Variants in STK10 observed in about 807,000 individuals in gnomAD.
STK10 encodes the protein serine/threonine kinase 10.
STK10 carries 78 observed loss-of-function variants against 113.8 expected under a neutral mutation model. That is an observed-to-expected ratio of 0.69 (90% CI 0.57 to 0.83). The LOEUF (loss-of-function observed/expected upper bound fraction) is 0.83, where lower values mean the gene tolerates loss of function less well. Ranked by LOEUF, STK10 falls within the 40% of genes least tolerant of loss-of-function variation. The probability of loss-of-function intolerance (pLI) is 0.00; values close to 1 mark genes in which losing one functional copy is unlikely to be tolerated. For missense variants in STK10, 1,109 were observed against 1,280.1 expected (o/e 0.87, Z 2.04); for synonymous variants, 465 against 494.7 (o/e 0.94, Z 0.80).
intron 4 of STK10, among the ~76,000 whole-genome samples, chr5:172,108,906 T>C (rs1362212062): frequency 6.6e-6 from 1 of 151,904 alleles, no homozygotes; most frequent in Non-Finnish European, 1.5e-5. Context: ...TGCCTCAGCC[T>C]CCCAAGTAGA....
At chr5:172,091,688 G>A (rs1202935444) in intron 9 of STK10, among the ~76,000 whole-genome samples, 1 of 152,048 alleles carries the variant, frequency 6.6e-6, no homozygotes, top group South Asian at 2.1e-4. Flanking sequence ...GCGCCACCAC[G>A]CCCGGCTAAT....
chr5:172,104,250 C>T (rs553823521), intron 7 of STK10, among the ~76,000 whole-genome samples: 14 of 152,244 alleles, frequency 9.2e-5, no homozygotes, highest in Non-Finnish European at 1.9e-4. Flanking sequence ...GCCCATTCCT[C>T]CCCCTCTTCC....
rs1388122686 is a variant in STK10, at chr5:172,093,550, T to C, written c.1416A>G (p.Pro472=). The change falls in exon 9 of 19, where the codon CCA becomes CCG. Residue 472 remains proline (P), a synonymous_variant. Transcript: ENST00000176763. The surrounding 1 kb of genome is among the most constrained non-coding windows in gnomAD (Gnocchi z 4.1). The part of the protein sequence containing the change: ...GEKLANGSLE[P]PAQAAPGPSK... ...AAGGCCCTGGAGCTGCCTGGGCAGG[T>C]GGCTCCAGGCTGCCATTGGCCAGCT... 3.1e-6 allele frequency: 5 copies of C among 1,614,034 alleles called. No homozygotes were observed. In the African/African-American group the frequency reaches 4.0e-5, roughly 13 times the overall value.
intron 1 of STK10, among the ~76,000 whole-genome samples, chr5:172,165,088 C>G (rs535123319): frequency 6.6e-6 from 1 of 152,306 alleles, no homozygotes; most frequent in South Asian, 2.1e-4. Flanking sequence ...AGGGGCCCAG[C>G]CAGCCCAGTC....
At chr5:172,060,302 G>A (rs1395917035) in intron 14 of STK10, among the ~76,000 whole-genome samples, 1 of 152,212 alleles carries the variant, frequency 6.6e-6, no homozygotes, top group Admixed American at 6.5e-5. Flanking sequence ...AGCTACTTGG[G>A]AGGCTGAAGT....
chr5:172,174,423 C>T (rs937375714), intron 1 of STK10, among the ~76,000 whole-genome samples: 20 of 152,092 alleles, frequency 1.3e-4, no homozygotes, highest in Non-Finnish European at 2.2e-4. Context: ...CCACCCGCCT[C>T]GGCCTCCCAA....
chr5:172,085,504 C>A (rs187546945), intron 10 of STK10, among the ~76,000 whole-genome samples: 1 of 151,974 alleles, frequency 6.6e-6, no homozygotes, highest in Admixed American at 6.6e-5. Flanking sequence ...GCCTGGCCAA[C>A]ATGGTGAAAC....
chr5:172,050,569 C>T (rs1266483179), intron 18 of STK10, among the ~76,000 whole-genome samples: 1 of 152,120 alleles, frequency 6.6e-6, no homozygotes, highest in Non-Finnish European at 1.5e-5. Flanking sequence ...CAAACACTCT[C>T]TTGAAAATGA....
chr5:172,163,616 T>C (rs1192766232), intron 1 of STK10, among the ~76,000 whole-genome samples: 2 of 152,160 alleles, frequency 1.3e-5, no homozygotes, highest in Non-Finnish European at 2.9e-5. Flanking sequence ...GCCTCCTGAC[T>C]CCCGGCCTAG....
chr5:172,102,858 C>T (rs1769020178), intron 7 of STK10, among the ~76,000 whole-genome samples: 1 of 151,404 alleles, frequency 6.6e-6, no homozygotes, highest in African/African-American at 2.4e-5. Context: ...TCCTGTGCAG[C>T]CAGCACTCTC....
At chr5:172,141,114 A>G (rs1368705869) in intron 2 of STK10, among the ~76,000 whole-genome samples, 1 of 152,196 alleles carries the variant, frequency 6.6e-6, no homozygotes, top group Non-Finnish European at 1.5e-5. Context: ...GGCTGATGGT[A>G]GAGGAAATGG....
intron 2 of STK10, among the ~76,000 whole-genome samples, chr5:172,135,443 C>T (rs1422207169): frequency 2.0e-5 from 3 of 152,010 alleles, no homozygotes; most frequent in South Asian, 2.1e-4. Flanking sequence ...ACCTGGGAGG[C>T]GGAGGTTGCA....
intron 4 of STK10, chr5:172,114,473 A>ATTTTTTTTTTTTTT (rs546584414): frequency 4.2e-5 from 2 of 47,546 alleles, no homozygotes; most frequent in African/African-American, 1.4e-4. Flanking sequence ...ATATATATAT[A>ATTTTTTTTTTTTTT]TTTTTTTTTT....
chr5:172,085,000 T>G (rs962880370), intron 10 of STK10, among the ~76,000 whole-genome samples: 8 of 152,156 alleles, frequency 5.3e-5, no homozygotes, highest in African/African-American at 1.9e-4. Flanking sequence ...ATCCCAGTAC[T>G]TTGGGAGGCC....
chr5:172,071,483 T>C (rs1768181224), intron 12 of STK10, among the ~76,000 whole-genome samples: 2 of 152,066 alleles, frequency 1.3e-5, no homozygotes, highest in Admixed American at 6.6e-5. Context: ...GGATTTTCCC[T>C]GTAGGGAGCA....
At chr5:172,048,516 A>G (rs1482341602) in intron 18 of STK10, among the ~76,000 whole-genome samples, 2 of 150,536 alleles carry the variant, frequency 1.3e-5, no homozygotes, top group Non-Finnish European at 1.5e-5. Context: ...CAGAGCGGGG[A>G]AGATGGCTTG....
At chr5:172,085,360 G>A (rs1371300156) in intron 10 of STK10, among the ~76,000 whole-genome samples, 1 of 152,088 alleles carries the variant, frequency 6.6e-6, no homozygotes, top group African/African-American at 2.4e-5. Context: ...AGCCCCAAGT[G>A]TTAACCACGT....
At chr5:172,179,037 A>G (rs896788600) in intron 1 of STK10, among the ~76,000 whole-genome samples, 2 of 152,180 alleles carry the variant, frequency 1.3e-5, no homozygotes, top group Admixed American at 1.3e-4. Flanking sequence ...CGCTGGTATG[A>G]GGGCTATGCT....
At chr5:172,110,694 G>A (rs1008861548) in intron 4 of STK10, among the ~76,000 whole-genome samples, 5 of 152,126 alleles carry the variant, frequency 3.3e-5, no homozygotes, top group Admixed American at 1.3e-4. Context: ...GGCAGGAGAC[G>A]GGCAGGGCAG....
Sources: allele counts gnomAD v4.1 joint callset (sites outside exome capture counted in the v4.1 genomes callset), GRCh38; gene constraint gnomAD v4.1.1; non-coding constraint Gnocchi (gnomAD v3.1); transcripts MANE v1.5; gene names NCBI Gene and HGNC (gene_info 2026-07-23, HGNC 2026-07-21).